The following RGS17 variants were observed in gnomAD, a reference collection of about 807,000 sequenced individuals.
RGS17 encodes regulator of G-protein signaling 17.
RGS17 carries 12 observed loss-of-function variants against 25.5 expected under a neutral mutation model. The observed-to-expected ratio is 0.47, with a 90% CI of 0.30 to 0.76. The LOEUF (loss-of-function observed/expected upper bound fraction) is 0.76. RGS17 is among the 30% of genes least tolerant of loss of function. RGS17 has a pLI of 0.07. For synonymous variants in RGS17, 71 were observed against 76.9 expected (o/e 0.92, Z 0.40); for missense variants, 196 against 242.2 (o/e 0.81, Z 1.27).
At chr6:153,042,534 C>T (rs1166129581) in intron 2 of RGS17, among the ~76,000 whole-genome samples, 1 of 152,170 alleles carries the variant, frequency 6.6e-6, no homozygotes. Flanking sequence ...GCCTCCCCAG[C>T]CCTGTGGAAC....
intron 1 of RGS17, among the ~76,000 whole-genome samples, chr6:153,049,751 AAAAT>A (rs71773340): frequency 0.39 from 57,985 of 150,362 alleles, 11,781 homozygotes; most frequent in East Asian, 0.61. Flanking sequence ...ACTCCTTCTC[AAAAT>A]AAATAAATAA....
chr6:153,052,751 A>G (rs1283903610), intron 1 of RGS17, among the ~76,000 whole-genome samples: 1 of 152,164 alleles, frequency 6.6e-6, no homozygotes. Flanking sequence ...GTGGAGGGCC[A>G]GGAGCAGAAT....
chr6:153,030,388 A>G (rs1476553266), intron 2 of RGS17, among the ~76,000 whole-genome samples: 2 of 152,194 alleles, frequency 1.3e-5, no homozygotes, highest in Admixed American at 1.3e-4. Flanking sequence ...AGAAGATAAA[A>G]CTTACCAGTA....
chr6:153,087,067 A>G (rs56265308), intron 1 of RGS17, among the ~76,000 whole-genome samples: 85,242 of 151,598 alleles, frequency 0.56, 24,170 homozygotes, highest in South Asian at 0.63. Context: ...CAGATCACCT[A>G]AGGTCAGGAG....
At chr6:153,104,649 G>T (rs1045244406) in intron 1 of RGS17, among the ~76,000 whole-genome samples, 10 of 152,136 alleles carry the variant, frequency 6.6e-5, no homozygotes, top group Non-Finnish European at 1.2e-4. Flanking sequence ...GGATACAGTA[G>T]TGAATAAAAT....
intron 4 of RGS17, among the ~76,000 whole-genome samples, chr6:153,015,250 A>C (rs1321300230): frequency 6.6e-6 from 1 of 152,262 alleles, no homozygotes; most frequent in Non-Finnish European, 1.5e-5. Context: ...GATTACATAA[A>C]CTTAGTTGAT....
intron 3 of RGS17, among the ~76,000 whole-genome samples, chr6:153,026,084 C>T (rs1056710080): frequency 3.3e-5 from 5 of 152,084 alleles, no homozygotes; most frequent in Admixed American, 3.3e-4. Context: ...TCCTCACTCA[C>T]TTGGACATTC....
chr6:153,077,040 T>A (rs904607911), intron 1 of RGS17, among the ~76,000 whole-genome samples: 3 of 152,144 alleles, frequency 2.0e-5, no homozygotes, highest in African/African-American at 7.2e-5. Flanking sequence ...AAAACATCAC[T>A]AATGAGGGAC....
intron 1 of RGS17, among the ~76,000 whole-genome samples, chr6:153,053,269 T>C (rs1257204389): frequency 6.6e-6 from 1 of 152,156 alleles, no homozygotes; most frequent in Non-Finnish European, 1.5e-5. Context: ...ATAAAAAAGC[T>C]GCAAAATATT....
At chr6:153,051,156 A>C (rs895184241) in intron 1 of RGS17, among the ~76,000 whole-genome samples, 1 of 152,234 alleles carries the variant, frequency 6.6e-6, no homozygotes, top group Non-Finnish European at 1.5e-5. Context: ...ATGGTATTTT[A>C]TTATAGCAGC....
chr6:153,105,188 A>G lies in RGS17; in HGVS notation c.-26+25936T>C, dbSNP rs77992292. Among the ~76,000 whole-genome samples, 2,915 of 151,798 alleles carry G rather than the reference A, an allele frequency of 0.019. 331 individuals are homozygous for G. The South Asian group carries it at 0.26, about 13-fold the overall frequency. On this transcript the variant is annotated intron_variant, in intron 1 of 4. Transcript: ENST00000206262. ...GGAATTCAGAACCCAGTCAGGTTCA[A>G]TAACTCTGTCCTAGGCATCCCAAAT...
intron 4 of RGS17, among the ~76,000 whole-genome samples, chr6:153,015,750 T>C (rs957937563): frequency 5.3e-5 from 8 of 151,758 alleles, no homozygotes; most frequent in Admixed American, 2.0e-4. Flanking sequence ...GCCTCCCGGG[T>C]TCACGCCATT....
At chr6:153,125,321 A>G (rs931191162) in intron 1 of RGS17, among the ~76,000 whole-genome samples, 3 of 152,232 alleles carry the variant, frequency 2.0e-5, no homozygotes, top group African/African-American at 7.2e-5. Flanking sequence ...ACAAAGCTTA[A>G]GAAATTCAGT....
At chr6:153,094,082 CTT>C (rs11371951) in intron 1 of RGS17, among the ~76,000 whole-genome samples, 2 of 146,478 alleles carry the variant, frequency 1.4e-5, no homozygotes, top group African/African-American at 2.5e-5. Flanking sequence ...CTATACTGAA[CTT>C]TTTTTTTTTT....
intron 2 of RGS17, among the ~76,000 whole-genome samples, chr6:153,036,866 T>C (rs945445345): frequency 6.6e-6 from 1 of 152,166 alleles, no homozygotes; most frequent in African/African-American, 2.4e-5. Context: ...TATAAAAGTC[T>C]CTTAACATCC....
intron 1 of RGS17, among the ~76,000 whole-genome samples, chr6:153,099,451 T>C (rs1777262455): frequency 6.6e-6 from 1 of 152,218 alleles, no homozygotes; most frequent in African/African-American, 2.4e-5. Flanking sequence ...GAATTATTTT[T>C]TTTACCCTGC....
chr6:153,011,770 G>C lies in RGS17; in HGVS notation c.445-8C>G, dbSNP rs554703669. On this transcript the variant is annotated splice_region_variant and splice_polypyrimidine_tract_variant and intron_variant, in intron 4 of 4. Transcript: ENST00000206262. Reference sequence around the variant, plus strand: ...TCGAGAATCAAGACTGACCTAAAAAGAAACAAGAGCAAATACATTAAATAA... The same window carrying C: ...TCGAGAATCAAGACTGACCTAAAAACAAACAAGAGCAAATACATTAAATAA... 2.6e-6 allele frequency: 4 copies of C among 1,564,290 alleles called. No homozygotes were observed. The East Asian group carries it at 9.1e-5, about 36-fold the overall frequency.
Position 153,010,511 on chromosome 6 carries a change from T to C in RGS17, c.*1063A>G, listed in dbSNP as rs1005166011. On this transcript the variant is annotated 3_prime_UTR_variant, in exon 5 of 5. Transcript: ENST00000206262. ...AGGATTATTTTCTTCATAACCCTTATAAAACTTTTCCTGGTAAAAACTTAG... is the reference window on the plus strand; with the variant it reads ...AGGATTATTTTCTTCATAACCCTTACAAAACTTTTCCTGGTAAAAACTTAG... 1.3e-5 allele frequency: 2 copies of C among 152,050 alleles called. No homozygotes were observed. Among genetic ancestry groups the C allele is most frequent in the Non-Finnish European group, 2.9e-5 (2 of 67,904 alleles). The allele number at this position is 152,050 out of a possible 1,614,324, so 9.4% of individuals were successfully genotyped here.
intron 1 of RGS17, among the ~76,000 whole-genome samples, chr6:153,065,748 CA>C (rs896599667): frequency 6.6e-6 from 1 of 151,900 alleles, no homozygotes; most frequent in Non-Finnish European, 1.5e-5. Flanking sequence ...TATAATAACA[CA>C]AAACACCAAA....
Sources: allele counts gnomAD v4.1 joint callset (sites outside exome capture counted in the v4.1 genomes callset), GRCh38; gene constraint gnomAD v4.1.1; transcripts MANE v1.5; gene names NCBI Gene and HGNC (gene_info 2026-07-23, HGNC 2026-07-21).